The following ANKFN1 variants were observed in gnomAD, a reference collection of about 807,000 sequenced individuals.
ANKFN1 encodes the protein ankyrin repeat and fibronectin type-III domain-containing protein 1.
ANKFN1 carries 74 observed loss-of-function variants against 108.7 expected under a neutral mutation model. That is an observed-to-expected ratio of 0.68 (90% CI 0.56 to 0.83). ANKFN1 has a LOEUF of 0.83. Ranked by LOEUF, ANKFN1 falls within the 40% of genes least tolerant of loss-of-function variation. The probability of loss-of-function intolerance (pLI) is 0.00; values close to 1 mark genes in which losing one functional copy is unlikely to be tolerated. For synonymous variants in ANKFN1, 547 were observed against 516.2 expected, an observed-to-expected ratio of 1.06 and a Z score of -0.81; for missense variants, 1,505 against 1,382.3, an observed-to-expected ratio of 1.09 and a Z score of -1.41.
At chr17:56,278,394 T>G (rs2144226596) in intron 3 of ANKFN1, among the ~76,000 whole-genome samples, 1 of 152,344 alleles carries the variant, frequency 6.6e-6, no homozygotes, top group African/African-American at 2.4e-5. Context: ...GTTTATTCCA[T>G]CATGATTTTC....
At position 56,434,611 on chromosome 17, in the gene ANKFN1, C is replaced by T. The variant is rs749955492; in HGVS notation, c.911-5716C>T. On this transcript the variant is annotated intron_variant, in intron 8 of 20. Transcript: ENST00000682825. ...TTAAAATAAAAAATGCAAGCAGCTC[C>T]GACCTCATATTTTGCCAGAGCTAAA... Among the ~76,000 whole-genome samples, 8 of 152,248 alleles carry T rather than the reference C, an allele frequency of 5.3e-5. No individual in the cohort carries two copies. In the East Asian group the frequency reaches 9.7e-4, roughly 18 times the overall value.
chr17:56,357,438 C>CTGGA (rs2046404546), intron 6 of ANKFN1, among the ~76,000 whole-genome samples: 1 of 152,214 alleles, frequency 6.6e-6, no homozygotes, highest in Non-Finnish European at 1.5e-5. Flanking sequence ...ATGCCAACAC[C>CTGGA]TGGAATCTTT....
chr17:56,264,950 A>T (rs1242818381), intron 3 of ANKFN1, among the ~76,000 whole-genome samples: 4 of 152,226 alleles, frequency 2.6e-5, no homozygotes, highest in Admixed American at 2.6e-4. Context: ...AGCTCAGGCC[A>T]TATCCTCATC....
chr17:56,093,907 C>A lies in ANKFN1; in HGVS notation c.288+47582C>A, dbSNP rs746153705. Among the ~76,000 whole-genome samples the A allele has an allele frequency of 9.3e-5, 14 of 151,298 alleles. 1 individual carries two copies. The highest frequency in any genetic ancestry group is 2.0e-4 in the Admixed American group (3 of 15,150). On this transcript the variant is annotated intron_variant, in intron 4 of 12. Transcript: ENST00000635860. The stretch of plus-strand genomic sequence containing the variant: ...AATCCCCAATACCTCAGAATGTAAC[C>A]TTATTTGGACATTAGGTCTTTTCAG...
intron 3 of ANKFN1, among the ~76,000 whole-genome samples, chr17:56,256,660 G>A (rs1453562174): frequency 4.6e-5 from 7 of 151,966 alleles, no homozygotes; most frequent in African/African-American, 1.7e-4. Flanking sequence ...CCATATTAAG[G>A]ACCAATTATG....
chr17:56,466,671 G>T, intron 15 of ANKFN1, 100 bp downstream of exon 15: 1 of 997,080 alleles, frequency 1.0e-6, no homozygotes. Context: ...CATATGCAGT[G>T]ATGGAGTGGA....
intron 1 of ANKFN1, among the ~76,000 whole-genome samples, chr17:56,179,501 A>G (rs1191164225): frequency 6.6e-6 from 1 of 152,228 alleles, no homozygotes; most frequent in African/African-American, 2.4e-5. Context: ...GGATAAAAAA[A>G]CAGGCAAAAA....
chr17:56,322,407 A>G lies in ANKFN1; in HGVS notation c.54-3814A>G, dbSNP rs560002023. On this transcript the variant is annotated intron_variant, in intron 3 of 20. Transcript: ENST00000682825. ...TTCCTGCTTCTGGGTTCTCACCACT[A>G]TCCACAATGGCCAGGCCAGGTGGAT... is the stretch of plus-strand genomic sequence containing the variant. 3.3e-5 allele frequency among the ~76,000 whole-genome samples: 5 copies of G among 152,230 alleles called. No individual in the cohort carries two copies. The South Asian group carries it at 8.3e-4, about 25-fold the overall frequency.
intron 4 of ANKFN1, among the ~76,000 whole-genome samples, chr17:56,113,990 T>C (rs975373522): frequency 3.9e-5 from 6 of 152,108 alleles, no homozygotes; most frequent in Admixed American, 1.3e-4. Flanking sequence ...GGCCATGGAA[T>C]ACAAAAATTT....
At chr17:56,349,810 T>C (rs2046200457) in intron 4 of ANKFN1, among the ~76,000 whole-genome samples, 1 of 152,106 alleles carries the variant, frequency 6.6e-6, no homozygotes, top group Non-Finnish European at 1.5e-5. Context: ...GGGGAAGTGG[T>C]GAGAAGGCAG....
chr17:56,325,548 G>A (rs1598408561), intron 3 of ANKFN1, among the ~76,000 whole-genome samples: 1 of 152,212 alleles, frequency 6.6e-6, no homozygotes, highest in Non-Finnish European at 1.5e-5. Flanking sequence ...TGAGCCTCTT[G>A]CTGTCCTAAG....
intron 3 of ANKFN1, among the ~76,000 whole-genome samples, chr17:56,291,527 A>G (rs1325412061): frequency 6.6e-6 from 1 of 152,158 alleles, no homozygotes; most frequent in East Asian, 1.9e-4. Flanking sequence ...ATTTATTATG[A>G]TGATGATTAT....
intron 4 of ANKFN1, among the ~76,000 whole-genome samples, chr17:56,329,885 C>A (rs530977337): frequency 6.6e-6 from 1 of 152,114 alleles, no homozygotes; most frequent in African/African-American, 2.4e-5. Flanking sequence ...TAGTTCCTTC[C>A]GCCATGTGAA....
intron 4 of ANKFN1, among the ~76,000 whole-genome samples, chr17:56,123,137 A>G (rs1286221565): frequency 6.6e-6 from 1 of 152,262 alleles, no homozygotes; most frequent in Admixed American, 6.5e-5. Context: ...CAGGTTAGGT[A>G]ACGTGCTCAA....
intron 8 of ANKFN1, among the ~76,000 whole-genome samples, chr17:56,426,923 C>T (rs2048588525): frequency 1.3e-5 from 2 of 152,140 alleles, no homozygotes; most frequent in South Asian, 4.1e-4. Context: ...GCTGTGGAAG[C>T]TTCTTGACTT....
At chr17:56,109,303 G>A (rs1307381366) in intron 4 of ANKFN1, among the ~76,000 whole-genome samples, 1 of 152,124 alleles carries the variant, frequency 6.6e-6, no homozygotes, top group African/African-American at 2.4e-5. Flanking sequence ...CAGGGACATG[G>A]GTGGATGGAG....
intron 4 of ANKFN1, among the ~76,000 whole-genome samples, chr17:56,107,765 A>T (rs1905778892): frequency 1.3e-5 from 2 of 152,134 alleles, no homozygotes; most frequent in African/African-American, 4.8e-5. Flanking sequence ...CTTTAGACCC[A>T]AGCAGTGGTT....
At chr17:56,449,972 T>A (rs140550256) in intron 11 of ANKFN1, among the ~76,000 whole-genome samples, 9 of 152,216 alleles carry the variant, frequency 5.9e-5, no homozygotes, top group African/African-American at 1.2e-4. Flanking sequence ...GGCTGTTCAA[T>A]TGGGACAGGG....
chr17:56,170,774 T>TTATATA lies in ANKFN1; in HGVS notation c.-71+17273_-71+17278dup, dbSNP rs60304505. 7.7e-3 allele frequency among the ~76,000 whole-genome samples: 527 copies of TTATATA among 68,050 alleles called. 6 individuals carry two copies. The highest frequency in any genetic ancestry group is 8.8e-3 in the Non-Finnish European group (357 of 40,560). The allele number at this position is 68,050 out of a possible 152,430, so 44.6% of individuals were successfully genotyped here. The stretch of plus-strand genomic sequence containing the variant: ...TGAGACTCTGTCAAGAAAAAATTTT[T>TTATATA]TATATATATATATATATATATATAT... On this transcript the variant is annotated intron_variant, in intron 1 of 20. Transcript: ENST00000682825.
Sources: gnomAD v4.1 joint callset for allele counts (sites outside exome capture counted in the v4.1 genomes callset) on GRCh38, gnomAD v4.1.1 for gene constraint, MANE v1.5 for transcripts, NCBI Gene and HGNC (gene_info 2026-07-23, HGNC 2026-07-21) for gene names.